RRM2: variants seen among roughly 807,000 people sequenced by gnomAD.
The protein encoded by RRM2 is ribonucleotide reductase regulatory subunit M2.
RRM2 carries 6 observed loss-of-function variants against 45.9 expected under a neutral mutation model. The ratio of observed to expected loss-of-function variants is 0.13; its 90% CI spans 0.07 to 0.26. RRM2 has a LOEUF of 0.26. Ranked by LOEUF, RRM2 falls within the 10% of genes least tolerant of loss-of-function variation. The pLI is 1.00. For synonymous variants in RRM2, 177 were observed against 173.0 expected (o/e 1.02, Z -0.18); for missense variants, 343 against 489.5 (o/e 0.70, Z 2.82).
At chr2:10,183,238 G>A (rs1664097483) in intron 3 of RRM2, among the ~76,000 whole-genome samples, 1 of 152,224 alleles carries the variant, frequency 6.6e-6, no homozygotes, top group Non-Finnish European at 1.5e-5. Context: ...AAGAGCGGCA[G>A]CACTGGCTAC....
intron 3 of RRM2, among the ~76,000 whole-genome samples, chr2:10,209,045 CTTTCTTTCTTTCTTTT>C (rs1270030734): frequency 2.1e-5 from 3 of 145,828 alleles, no homozygotes; most frequent in Non-Finnish European, 4.5e-5. Flanking sequence ...TTCTTTCTTT[CTTTCTTTCTTTCTTTT>C]TTTTTTTTTT....
At position 10,205,643 on chromosome 2, in the gene RRM2, G is replaced by A. The variant is rs184457822; in HGVS notation, n.483-4668G>A. Among the ~76,000 whole-genome samples the A allele has an allele frequency of 6.6e-6, 1 of 152,210 alleles. No homozygotes were observed. Among genetic ancestry groups the A allele is most frequent in the African/African-American group, 2.4e-5 (1 of 41,554 alleles). On this transcript the variant is annotated intron_variant and non_coding_transcript_variant, in intron 3 of 3. Transcript: ENST00000381786. The surrounding 1 kb of genome is among the most constrained non-coding windows in gnomAD (Gnocchi z 4.8). ...AAGATTTATGGCAGAGATGCTGGAT[G>A]GAAAACAAACACACAGTTTGAGAGG... is the stretch of plus-strand genomic sequence containing the variant.
At chr2:10,168,267 C>A (rs72786698) in intron 3 of RRM2, among the ~76,000 whole-genome samples, 7 of 152,044 alleles carry the variant, frequency 4.6e-5, no homozygotes, top group African/African-American at 1.2e-4. Context: ...TCCTTCCCCC[C>A]ACCCCTGACA....
At chr2:10,124,084 T>C (rs1662729998) in intron 4 of RRM2, 1 of 515,032 alleles carries the variant, frequency 1.9e-6, no homozygotes, top group South Asian at 2.3e-5. Flanking sequence ...TGATGACTCT[T>C]TGTGGCCACC....
intron 3 of RRM2, among the ~76,000 whole-genome samples, chr2:10,176,134 G>A (rs1663909528): frequency 6.6e-6 from 1 of 152,216 alleles, no homozygotes; most frequent in Non-Finnish European, 1.5e-5. Flanking sequence ...GGTAGCATCT[G>A]CCCAAGTTTT....
At chr2:10,198,374 C>T (rs1296800912) in intron 3 of RRM2, among the ~76,000 whole-genome samples, 1 of 151,906 alleles carries the variant, frequency 6.6e-6, no homozygotes, top group Non-Finnish European at 1.5e-5. Context: ...GGAGACCCTG[C>T]TGCCAAGCTG....
downstream of RRM2, among the ~76,000 whole-genome samples, chr2:10,135,344 T>C (rs370396049): frequency 6.6e-6 from 1 of 152,172 alleles, no homozygotes; most frequent in Admixed American, 6.5e-5. Flanking sequence ...ACTAGAATAA[T>C]GGACGCTGCA....
intron 3 of RRM2, among the ~76,000 whole-genome samples, chr2:10,165,577 A>G (rs918132692): frequency 2.6e-5 from 4 of 152,242 alleles, no homozygotes; most frequent in African/African-American, 7.2e-5. Context: ...TAAATATTGT[A>G]AAGTTTACGG....
intron 3 of RRM2, among the ~76,000 whole-genome samples, chr2:10,146,531 C>T (rs79676633): frequency 0.028 from 4,214 of 152,292 alleles, 208 homozygotes; most frequent in African/African-American, 0.096. Context: ...AGCCGTTGCA[C>T]GGACAGGTTG....
chr2:10,168,182 A>G (rs1343326712), intron 3 of RRM2, among the ~76,000 whole-genome samples: 1 of 151,616 alleles, frequency 6.6e-6, no homozygotes, highest in Admixed American at 6.6e-5. Context: ...TCCTTGCTGT[A>G]TATGTGGCTG....
At chr2:10,182,242 G>A (rs1664074984) in intron 3 of RRM2, among the ~76,000 whole-genome samples, 1 of 152,078 alleles carries the variant, frequency 6.6e-6, no homozygotes, top group South Asian at 2.1e-4. Flanking sequence ...GGAGGCTGAG[G>A]CAGGAGAATT....
In RRM2 at chr2:10,172,026, G is replaced by A. The variant is rs899788458; in HGVS notation, n.482+29651G>A. Among the ~76,000 whole-genome samples the A allele has an allele frequency of 2.0e-5, 3 of 152,176 alleles. No homozygotes were observed. The highest frequency in any genetic ancestry group is 4.8e-5 in the African/African-American group (2 of 41,442). ...CCCTGCTAGTCCAGGCCGGGCCAGC[G>A]CCCAAGGATGAGGGGAAGCACAGCT... is the stretch of plus-strand genomic sequence containing the variant. On this transcript the variant is annotated intron_variant and non_coding_transcript_variant, in intron 3 of 3. Coordinates refer to the RRM2 transcript ENST00000381786. This position sits in a 1 kb window ranked among gnomAD's most constrained non-coding sequence, Gnocchi z 4.9.
intron 3 of RRM2, among the ~76,000 whole-genome samples, chr2:10,162,662 A>T (rs1470222818): frequency 6.6e-6 from 1 of 150,768 alleles, no homozygotes; most frequent in African/African-American, 2.4e-5. Context: ...GGAAGACATC[A>T]GCCACCTGCA....
intron 5 of RRM2, among the ~76,000 whole-genome samples, chr2:10,126,129 AGCCT>A (rs1057172790): frequency 1.4e-5 from 2 of 142,682 alleles, no homozygotes; most frequent in African/African-American, 5.3e-5. Context: ...GCTGCACTCT[AGCCT>A]GGGCAACAGA....
intron 3 of RRM2, among the ~76,000 whole-genome samples, chr2:10,187,690 T>C (rs1039452915): frequency 5.3e-5 from 8 of 152,162 alleles, no homozygotes; most frequent in Non-Finnish European, 1.2e-4. Flanking sequence ...TTGTGGTGCC[T>C]ACCTCTTGGG....
upstream of RRM2, among the ~76,000 whole-genome samples, chr2:10,136,529 A>ACCCAG (rs1336573752): frequency 1.3e-5 from 2 of 152,190 alleles, no homozygotes; most frequent in East Asian, 3.9e-4. Context: ...CAACACTGGG[A>ACCCAG]GGCCAAGGGG....
chr2:10,168,662 C>G (rs144771022), intron 3 of RRM2, among the ~76,000 whole-genome samples: 2 of 151,644 alleles, frequency 1.3e-5, no homozygotes, highest in Non-Finnish European at 2.9e-5. Context: ...TGTGCCGGCT[C>G]TGGCCTGGCC....
In RRM2 at chr2:10,175,026, G is replaced by A. The variant is rs543662378; in HGVS notation, n.482+32651G>A. On this transcript the variant is annotated intron_variant and non_coding_transcript_variant, in intron 3 of 3. Coordinates refer to the RRM2 transcript ENST00000381786. ...AAGTCCCTGCTAACATGCTGCTGTC[G>A]TCCTTCTATTCCTTAATCTAGGCAT... Among the ~76,000 whole-genome samples, 11 of 152,286 alleles carry A rather than the reference G, an allele frequency of 7.2e-5. No homozygotes were observed. The South Asian group carries it at 8.3e-4, about 11-fold the overall frequency.
chr2:10,188,045 T>C (rs577236979), intron 3 of RRM2, among the ~76,000 whole-genome samples: 1 of 152,328 alleles, frequency 6.6e-6, no homozygotes, highest in East Asian at 1.9e-4. Flanking sequence ...GGGGTTCCGA[T>C]GCCCCTCGAG....
Sources: gnomAD v4.1 joint callset for allele counts (sites outside exome capture counted in the v4.1 genomes callset) on GRCh38, gnomAD v4.1.1 for gene constraint, Gnocchi (gnomAD v3.1) non-coding constraint, MANE v1.5 for transcripts, NCBI Gene and HGNC (gene_info 2026-07-23, HGNC 2026-07-21) for gene names.